The following PLEK2 variants were observed in gnomAD, a reference collection of about 807,000 sequenced individuals.
PLEK2 encodes the protein pleckstrin-2.
A neutral mutation model predicts 43.8 loss-of-function variants in PLEK2; 29 were observed. The ratio of observed to expected loss-of-function variants is 0.66; its 90% confidence interval spans 0.49 to 0.90. The LOEUF is 0.90. Ranked by LOEUF, PLEK2 falls within the 40% of genes least tolerant of loss-of-function variation. The pLI is 0.00. For missense variants in PLEK2, 398 were observed against 448.1 expected (o/e 0.89, Z 1.01); for synonymous variants, 162 against 173.2 (o/e 0.94, Z 0.51).
At chr14:67,410,410 C>T (rs1452564329) in intron 1 of PLEK2, among the ~76,000 whole-genome samples, 8 of 152,160 alleles carry the variant, frequency 5.3e-5, no homozygotes, top group Admixed American at 2.6e-4. Flanking sequence ...CCTCCCAAGC[C>T]GCAGTTAAAT....
At chr14:67,403,970 G>A (rs1009755402) in intron 1 of PLEK2, among the ~76,000 whole-genome samples, 3 of 152,122 alleles carry the variant, frequency 2.0e-5, no homozygotes, top group South Asian at 2.1e-4. Flanking sequence ...GAAGGACCAC[G>A]TGAGCCTGGG....
At chr14:67,409,916 T>A (rs1361584455) in intron 1 of PLEK2, among the ~76,000 whole-genome samples, 1 of 152,166 alleles carries the variant, frequency 6.6e-6, no homozygotes, top group East Asian at 1.9e-4. Context: ...CTCAGCAGAC[T>A]GGGACCACAA....
Position 67,412,132 on chromosome 14 carries a change from C to CCCGCGCAGT in PLEK2, c.-82_-74dup, listed in dbSNP as rs1189274458. 61 of 1,312,872 alleles carry CCCGCGCAGT rather than the reference C, an allele frequency of 4.6e-5. No individual in the cohort carries two copies. Among genetic ancestry groups the CCCGCGCAGT allele is most frequent in the Non-Finnish European group, 5.6e-5 (57 of 1,009,446 alleles). The allele number at this position is 1,312,872 out of a possible 1,614,324, so 81.3% of individuals were successfully genotyped here. A position where few individuals can be genotyped will look rare whatever the true frequency, so the allele number is the denominator to read the frequency against. ...CTCGCGCTCCTCGGCACCCGCGCAG[C>CCCGCGCAGT]CCGCGCAGTCCGCGCCCACGGCGCC... is the stretch of plus-strand genomic sequence containing the variant. On this transcript the variant is annotated 5_prime_UTR_variant, in exon 1 of 9. Transcript: ENST00000216446.
intron 2 of PLEK2, among the ~76,000 whole-genome samples, chr14:67,396,944 C>CTTTT (rs72102932): frequency 2.4e-4 from 33 of 139,458 alleles, no homozygotes; most frequent in South Asian, 4.6e-4. Flanking sequence ...TATTGGGAGA[C>CTTTT]TTTTTTTTTT....
intron 1 of PLEK2, among the ~76,000 whole-genome samples, chr14:67,402,060 G>A (rs1010091061): frequency 2.0e-5 from 3 of 152,182 alleles, no homozygotes; most frequent in African/African-American, 7.2e-5. Flanking sequence ...AAACTCAGGA[G>A]GCGGAGTTTG....
chr14:67,404,257 A>G (rs1485796397), intron 1 of PLEK2, among the ~76,000 whole-genome samples: 2 of 152,224 alleles, frequency 1.3e-5, no homozygotes. Flanking sequence ...CAGACTCCAC[A>G]GTCTAAAGCA....
At chr14:67,408,375 T>C (rs2086095282) in intron 1 of PLEK2, among the ~76,000 whole-genome samples, 1 of 147,750 alleles carries the variant, frequency 6.8e-6, no homozygotes, top group African/African-American at 2.6e-5. Flanking sequence ...AAAACAAAGA[T>C]GGGATGATAC....
Position 67,412,066 on chromosome 14 carries a change from G to T in PLEK2, c.-7C>A, listed in dbSNP as rs1351509059. 1 of 1,544,066 alleles carries T rather than the reference G, an allele frequency of 6.5e-7. No individual in the cohort carries two copies. The highest frequency in any genetic ancestry group is 1.2e-5 in the South Asian group (1 of 82,972). The stretch of plus-strand genomic sequence containing the variant: ...TGAGCACGCCGTCCTCCATGTCGCC[G>T]CCCGCACGCCAGGGCCACCCCAGGT... On this transcript the variant is annotated 5_prime_UTR_variant, in exon 1 of 9. Coordinates refer to ENST00000216446, the MANE Select transcript of PLEK2 (RefSeq NM_016445.3).
intron 4 of PLEK2, 104 bp downstream of exon 4, chr14:67,393,046 C>G (rs2085980813): frequency 2.0e-6 from 2 of 976,498 alleles, no homozygotes; most frequent in Admixed American, 3.5e-5. Context: ...TGTTGCCCAG[C>G]AGGCAGCTCT....
At chr14:67,401,329 A>AAAAT (rs944216569) in intron 1 of PLEK2, among the ~76,000 whole-genome samples, 10 of 152,064 alleles carry the variant, frequency 6.6e-5, no homozygotes, top group Admixed American at 6.5e-4. Context: ...TCTATTAATA[A>AAAAT]AAATAAATAA....
Position 67,402,566 on chromosome 14 carries a change from C to T in PLEK2, c.43-4740G>A, listed in dbSNP as rs556917570. Among the ~76,000 whole-genome samples the T allele has an allele frequency of 4.6e-5, 7 of 152,310 alleles. No homozygotes were observed. The South Asian group carries it at 1.4e-3, about 32-fold the overall frequency. ...TTGTACCCATTAACCATTCCCATCTCCCCGGCAGCCCCTCACCCACCCTTC... is the reference window on the plus strand; with the variant it reads ...TTGTACCCATTAACCATTCCCATCTTCCCGGCAGCCCCTCACCCACCCTTC... On this transcript the variant is annotated intron_variant, in intron 1 of 8. Coordinates refer to ENST00000216446, the MANE Select transcript of PLEK2 (RefSeq NM_016445.3).
At position 67,390,164 on chromosome 14, in the gene PLEK2, AT is replaced by A. The variant is rs927978122; in HGVS notation, c.855+498del. On this transcript the variant is annotated intron_variant, in intron 7 of 8. Transcript: ENST00000216446. Reference sequence around the variant, plus strand: ...ACCTAGTATCAGAAACATAAAAATGATTTTTTTTTAATTTGCCATCAAAGTT... The same window carrying A: ...ACCTAGTATCAGAAACATAAAAATGATTTTTTTTAATTTGCCATCAAAGTT... Among the ~76,000 whole-genome samples, 99 of 152,064 alleles carry A rather than the reference AT, an allele frequency of 6.5e-4. 4 individuals are homozygous for A. The South Asian group carries it at 0.017, about 26-fold the overall frequency.
chr14:67,397,164 C>T (rs1042380867), intron 2 of PLEK2, among the ~76,000 whole-genome samples: 3 of 152,108 alleles, frequency 2.0e-5, no homozygotes, highest in Non-Finnish European at 4.4e-5. Context: ...GTGTCAAACT[C>T]CTCACCGCAA....
chr14:67,405,224 C>CAAAAAAAAA (rs770594121), intron 1 of PLEK2, among the ~76,000 whole-genome samples: 1 of 40,478 alleles, frequency 2.5e-5, no homozygotes, highest in East Asian at 6.8e-4. Flanking sequence ...GAGTCCATCT[C>CAAAAAAAAA]AAAAAAAAAA....
At chr14:67,388,326 T>G (rs1185642164) in intron 7 of PLEK2, 24 bp from the exon 8 acceptor site, 1 of 1,496,770 alleles carries the variant, frequency 6.7e-7, no homozygotes. Context: ...GAGACCCAAT[T>G]AGGAATTTGT....
intron 7 of PLEK2, among the ~76,000 whole-genome samples, chr14:67,388,882 T>C (rs1278587674): frequency 6.6e-6 from 1 of 152,030 alleles, no homozygotes; most frequent in Non-Finnish European, 1.5e-5. Flanking sequence ...GTTCATCACC[T>C]TGGCCAGGCT....
intron 1 of PLEK2, among the ~76,000 whole-genome samples, chr14:67,404,434 G>A (rs573315807): frequency 1.3e-5 from 2 of 152,288 alleles, no homozygotes; most frequent in East Asian, 3.9e-4. Flanking sequence ...TCCAGCCTGG[G>A]CAACATAGTG....
intron 3 of PLEK2, 39 bp from the exon 4 acceptor site, chr14:67,393,280 C>T: frequency 2.8e-6 from 4 of 1,436,546 alleles, no homozygotes; most frequent in Non-Finnish European, 3.9e-6. Context: ...GAACCCTCAT[C>T]ACGCGGGCAG....
chr14:67,412,061 TC>T lies in PLEK2; in HGVS notation c.-3del. 1 of 1,548,280 alleles carries T rather than the reference TC, an allele frequency of 6.5e-7. No individual in the cohort carries two copies. The highest frequency in any genetic ancestry group is 2.6e-5 in the East Asian group (1 of 37,908). Reference sequence around the variant, plus strand: ...CTCCTTGAGCACGCCGTCCTCCATGTCGCCGCCCGCACGCCAGGGCCACCCC... The same window carrying T: ...CTCCTTGAGCACGCCGTCCTCCATGTGCCGCCCGCACGCCAGGGCCACCCC... On this transcript the variant is annotated 5_prime_UTR_variant, in exon 1 of 9. Transcript: ENST00000216446.
Sources: gnomAD v4.1 joint callset for allele counts (sites outside exome capture counted in the v4.1 genomes callset) on GRCh38, gnomAD v4.1.1 for gene constraint, MANE v1.5 for transcripts, NCBI Gene and HGNC (gene_info 2026-07-23, HGNC 2026-07-21) for gene names.